Variants in POT1 observed in about 807,000 individuals in gnomAD.
POT1 encodes protection of telomeres 1, also known as protection of telomeres protein 1.
A neutral mutation model predicts 78.5 loss-of-function variants in POT1; 47 were observed. That is an observed-to-expected ratio of 0.60 (90% CI 0.47 to 0.76). POT1 has a LOEUF of 0.76. Among genes scored for constraint, POT1 ranks in the 30% least tolerant of loss-of-function variants. The pLI is 0.00. For synonymous variants in POT1, 259 were observed against 260.7 expected, an observed-to-expected ratio of 0.99 and a Z score of 0.06; for missense variants, 646 against 749.9, an observed-to-expected ratio of 0.86 and a Z score of 1.62.
intron 12 of POT1, 108 bp downstream of exon 12, chr7:124,846,834 A>G: frequency 2.8e-6 from 2 of 727,078 alleles, no homozygotes; most frequent in African/African-American, 3.6e-5. Context: ...TTAGCTTTAA[A>G]GGATATGTGT....
intron 3 of POT1, among the ~76,000 whole-genome samples, chr7:124,905,935 G>T (rs1796754750): frequency 6.6e-6 from 1 of 152,122 alleles, no homozygotes; most frequent in African/African-American, 2.4e-5. Flanking sequence ...AAACCACAAT[G>T]AGATACCATC....
chr7:124,905,151 A>G (rs1229392205), intron 3 of POT1, among the ~76,000 whole-genome samples: 1 of 152,040 alleles, frequency 6.6e-6, no homozygotes, highest in Non-Finnish European at 1.5e-5. Flanking sequence ...ATATGGAACC[A>G]AAAAAGAGCC....
intron 14 of POT1, among the ~76,000 whole-genome samples, chr7:124,837,439 T>C (rs1374882290): frequency 6.6e-6 from 1 of 151,934 alleles, no homozygotes; most frequent in Non-Finnish European, 1.5e-5. Flanking sequence ...TAAATAAATA[T>C]TATAAACAAT....
intron 11 of POT1, among the ~76,000 whole-genome samples, chr7:124,850,611 A>C (rs1795281768): frequency 6.6e-6 from 1 of 152,106 alleles, no homozygotes; most frequent in Non-Finnish European, 1.5e-5. Flanking sequence ...GGGTGCCTGT[A>C]GTCCCAGCTA....
intron 15 of POT1, among the ~76,000 whole-genome samples, chr7:124,832,447 T>TA (rs1393041950): frequency 5.3e-5 from 8 of 151,940 alleles, no homozygotes; most frequent in African/African-American, 1.9e-4. Context: ...ACTCAAGTAA[T>TA]AAAAAATGTA....
At chr7:124,884,445 C>T (rs891416923) in intron 6 of POT1, among the ~76,000 whole-genome samples, 1 of 152,094 alleles carries the variant, frequency 6.6e-6, no homozygotes, top group African/African-American at 2.4e-5. Flanking sequence ...AACACTGTAA[C>T]ATCCAAGACT....
intron 5 of POT1, among the ~76,000 whole-genome samples, chr7:124,895,731 T>C (rs1351366195): frequency 6.6e-6 from 1 of 151,588 alleles, no homozygotes; most frequent in East Asian, 1.9e-4. Context: ...ACTAATTAAA[T>C]GAAGTACAGA....
At chr7:124,847,061 A>C in intron 11 of POT1, 63 bp from the exon 12 acceptor site, 1 of 1,123,350 alleles carries the variant, frequency 8.9e-7, no homozygotes, top group Non-Finnish European at 1.3e-6. Context: ...ACTGAAAACA[A>C]TGGAGCGTTG....
At chr7:124,880,107 C>T (rs148515704) in intron 6 of POT1, among the ~76,000 whole-genome samples, 37 of 152,088 alleles carry the variant, frequency 2.4e-4, no homozygotes, top group African/African-American at 8.7e-4. Context: ...CTTTTCCCCA[C>T]AAATGTGACA....
intron 11 of POT1, 62 bp downstream of exon 11, chr7:124,851,810 A>C: frequency 9.0e-7 from 1 of 1,116,274 alleles, no homozygotes; most frequent in Non-Finnish European, 1.4e-6. Context: ...ACAAAGAATT[A>C]TGTTGATAAA....
At chr7:124,908,959 G>T (rs569735100) in intron 3 of POT1, among the ~76,000 whole-genome samples, 5 of 151,804 alleles carry the variant, frequency 3.3e-5, no homozygotes, top group Non-Finnish European at 1.5e-5. Context: ...TCAGATAAGG[G>T]AGAATAAATA....
chr7:124,864,765 T>C (rs1795680883), intron 7 of POT1, among the ~76,000 whole-genome samples: 1 of 152,170 alleles, frequency 6.6e-6, no homozygotes. Context: ...GTTACTGTTG[T>C]AGTATTTTTT....
intron 10 of POT1, 99 bp from the exon 11 acceptor site, chr7:124,852,050 A>C (rs1795322333): frequency 1.2e-6 from 1 of 823,092 alleles, no homozygotes; most frequent in Non-Finnish European, 1.9e-6. Context: ...GAAATTGTAT[A>C]TAAAATTTTG....
chr7:124,828,513 A>T (rs1405294754), intron 16 of POT1, among the ~76,000 whole-genome samples: 6 of 152,336 alleles, frequency 3.9e-5, no homozygotes, highest in African/African-American at 1.4e-4. Flanking sequence ...TACAGACATG[A>T]ACTAGGGCAT....
chr7:124,888,493 A>T (rs1327699486), intron 6 of POT1, among the ~76,000 whole-genome samples: 2 of 152,018 alleles, frequency 1.3e-5, no homozygotes, highest in African/African-American at 4.8e-5. Context: ...TTATTTTTCT[A>T]TAGAAAATGC....
At chr7:124,919,563 C>G (rs566511991) in intron 2 of POT1, among the ~76,000 whole-genome samples, 1 of 152,148 alleles carries the variant, frequency 6.6e-6, no homozygotes, top group African/African-American at 2.4e-5. Flanking sequence ...ACCAGTCTGA[C>G]TGGTATCCCC....
At chr7:124,843,820 C>T (rs1298042208) in intron 12 of POT1, among the ~76,000 whole-genome samples, 1 of 152,198 alleles carries the variant, frequency 6.6e-6, no homozygotes, top group Non-Finnish European at 1.5e-5. Context: ...CCTTTCAGTA[C>T]TGAGCTTTAA....
chr7:124,902,018 G>C (rs1204253086), intron 3 of POT1, among the ~76,000 whole-genome samples: 1 of 152,022 alleles, frequency 6.6e-6, no homozygotes, highest in East Asian at 1.9e-4. Flanking sequence ...AAGAAATATG[G>C]GACTATAAGA....
At chr7:124,855,218 CAAAAAAAAAAAAAAA>C (rs550056711) in intron 9 of POT1, among the ~76,000 whole-genome samples, 1 of 52,492 alleles carries the variant, frequency 1.9e-5, no homozygotes, top group African/African-American at 7.9e-5. Flanking sequence ...GAGAGGAGAG[CAAAAAAAAAAAAAAA>C]AAAAAAAAAA....
Sources: gnomAD v4.1 joint callset for allele counts (sites outside exome capture counted in the v4.1 genomes callset) on GRCh38, gnomAD v4.1.1 for gene constraint, MANE v1.5 for transcripts, NCBI Gene and HGNC (gene_info 2026-07-23, HGNC 2026-07-21) for gene names.